C10orf143: variants seen among roughly 807,000 people sequenced by gnomAD.
C10orf143 encodes the protein uncharacterized protein C10orf143.
At chr10:130,038,148 G>A (rs757732028) in intron 3 of C10orf143, among the ~76,000 whole-genome samples, 2 of 152,124 alleles carry the variant, frequency 1.3e-5, no homozygotes, top group African/African-American at 2.4e-5. Context: ...GGAGTAACAT[G>A]CGGCGGCCTC....
At chr10:130,108,677 A>G (rs1028070714) in intron 1 of C10orf143, among the ~76,000 whole-genome samples, 3 of 152,226 alleles carry the variant, frequency 2.0e-5, no homozygotes, top group African/African-American at 7.2e-5. Flanking sequence ...TTAATCCACT[A>G]TTATAGAAAC....
chr10:130,109,941 C>A (rs563712780), intron 1 of C10orf143, among the ~76,000 whole-genome samples: 5 of 152,070 alleles, frequency 3.3e-5, no homozygotes, highest in Non-Finnish European at 5.9e-5. Context: ...TAAGAACTGG[C>A]CAATTTGCAA....
intron 3 of C10orf143, among the ~76,000 whole-genome samples, chr10:130,077,612 T>C (rs1319076576): frequency 6.6e-6 from 1 of 152,276 alleles, no homozygotes; most frequent in African/African-American, 2.4e-5. Context: ...ACTGCAAGTT[T>C]AATAAAGTCT....
chr10:130,088,045 G>A (rs1356846355), intron 1 of C10orf143, among the ~76,000 whole-genome samples: 7 of 152,324 alleles, frequency 4.6e-5, no homozygotes, highest in African/African-American at 1.2e-4. Flanking sequence ...GTGTTAACAC[G>A]TGAGCGAGCA....
intron 1 of C10orf143, among the ~76,000 whole-genome samples, chr10:130,101,553 T>A (rs1384773999): frequency 6.6e-6 from 1 of 151,912 alleles, no homozygotes; most frequent in Non-Finnish European, 1.5e-5. Context: ...TGGAAATATC[T>A]TTCAAAATAA....
intron 3 of C10orf143, among the ~76,000 whole-genome samples, chr10:130,052,641 A>G (rs1860750172): frequency 6.6e-6 from 1 of 152,228 alleles, no homozygotes; most frequent in Admixed American, 6.5e-5. Flanking sequence ...GTACCTATCT[A>G]ATCACAAACG....
chr10:130,086,055 A>G (rs1861286417), intron 1 of C10orf143, among the ~76,000 whole-genome samples: 1 of 152,212 alleles, frequency 6.6e-6, no homozygotes, highest in Non-Finnish European at 1.5e-5. Context: ...TAGACACCCT[A>G]GTCCAGTGTT....
At chr10:130,093,707 G>C (rs923851361) in intron 1 of C10orf143, among the ~76,000 whole-genome samples, 3 of 152,020 alleles carry the variant, frequency 2.0e-5, no homozygotes, top group Admixed American at 1.3e-4. Flanking sequence ...GAACCAAACA[G>C]ACACAATAAA....
intron 1 of C10orf143, among the ~76,000 whole-genome samples, chr10:130,109,251 C>T (rs889728099): frequency 1.2e-4 from 19 of 152,230 alleles, no homozygotes; most frequent in African/African-American, 4.3e-4. Flanking sequence ...GGTCTCAACA[C>T]ATCAGCATAA....
At chr10:130,045,336 G>A (rs1413783132) in intron 3 of C10orf143, among the ~76,000 whole-genome samples, 1 of 152,244 alleles carries the variant, frequency 6.6e-6, no homozygotes, top group Non-Finnish European at 1.5e-5. Context: ...CCGACTCCGA[G>A]GTCCTGCTTC....
At chr10:130,072,564 G>T (rs1413683538) in intron 3 of C10orf143, among the ~76,000 whole-genome samples, 1 of 151,966 alleles carries the variant, frequency 6.6e-6, no homozygotes, top group Non-Finnish European at 1.5e-5. Context: ...AACATATCAT[G>T]CACTTTTAGT....
intron 3 of C10orf143, among the ~76,000 whole-genome samples, chr10:130,058,886 G>A (rs893135275): frequency 1.1e-4 from 16 of 151,974 alleles, no homozygotes; most frequent in African/African-American, 3.9e-4. Flanking sequence ...CTAGACCTGG[G>A]CACACATTTA....
intron 3 of C10orf143, among the ~76,000 whole-genome samples, chr10:130,037,304 C>A (rs917448483): frequency 6.6e-6 from 1 of 152,232 alleles, no homozygotes; most frequent in African/African-American, 2.4e-5. Context: ...TGCCGCTTTC[C>A]TCCGGCTGAC....
chr10:130,045,935 C>T (rs984775407), intron 3 of C10orf143, among the ~76,000 whole-genome samples: 34 of 152,148 alleles, frequency 2.2e-4, no homozygotes, highest in African/African-American at 7.9e-4. Flanking sequence ...CTTCCGAGTA[C>T]GCGACCTCAC....
intron 3 of C10orf143, among the ~76,000 whole-genome samples, chr10:130,054,778 A>G (rs1042271073): frequency 6.6e-6 from 1 of 152,194 alleles, no homozygotes; most frequent in East Asian, 1.9e-4. Context: ...CTTTTCATCT[A>G]TCTGTTAAAG....
chr10:130,047,191 C>T (rs2134728753), intron 3 of C10orf143, among the ~76,000 whole-genome samples: 1 of 152,356 alleles, frequency 6.6e-6, no homozygotes, highest in South Asian at 2.1e-4. Flanking sequence ...GTGCATTCTG[C>T]AGCTGCTCTG....
chr10:130,077,319 G>C (rs1861134769), intron 3 of C10orf143, among the ~76,000 whole-genome samples: 1 of 152,150 alleles, frequency 6.6e-6, no homozygotes, highest in Non-Finnish European at 1.5e-5. Flanking sequence ...GGACCACCAA[G>C]CTCAGACGGC....
At chr10:130,040,779 C>T (rs1240275148) in intron 3 of C10orf143, among the ~76,000 whole-genome samples, 1 of 151,714 alleles carries the variant, frequency 6.6e-6, no homozygotes, top group Admixed American at 6.6e-5. Context: ...GTTGAGATCA[C>T]ACCACTGCAG....
intron 3 of C10orf143, among the ~76,000 whole-genome samples, chr10:130,038,099 C>T (rs1343427658): frequency 6.6e-6 from 1 of 152,194 alleles, no homozygotes; most frequent in Non-Finnish European, 1.5e-5. Flanking sequence ...TCCACAATTG[C>T]TTCCTACCCA....
Sources: gnomAD v4.1 joint callset for allele counts (sites outside exome capture counted in the v4.1 genomes callset) on GRCh38, gnomAD v4.1.1 for gene constraint, MANE v1.5 for transcripts, NCBI Gene and HGNC (gene_info 2026-07-23, HGNC 2026-07-21) for gene names.